CNMD: variants seen among roughly 807,000 people sequenced by gnomAD.
CNMD encodes leukocyte cell-derived chemotaxin 1.
CNMD carries 30 observed loss-of-function variants against 37.5 expected under a neutral mutation model. That is an observed-to-expected ratio of 0.80 (90% CI 0.60 to 1.09). CNMD has a LOEUF of 1.09. Ranked by LOEUF, CNMD falls within the 50% of genes least tolerant of loss-of-function variation. The pLI, the probability that CNMD is intolerant of heterozygous loss-of-function variation, is 0.00. For missense variants in CNMD, 398 were observed against 423.9 expected, an observed-to-expected ratio of 0.94 and a Z score of 0.54; for synonymous variants, 167 against 148.2, an observed-to-expected ratio of 1.13 and a Z score of -0.92.
Position 52,703,779 on chromosome 13 carries a change from G to C in CNMD, c.821C>G (p.Pro274Arg), listed in dbSNP as rs757029493. The C allele has an allele frequency of 5.6e-6, 9 of 1,613,388 alleles. No individual in the cohort carries two copies. Among genetic ancestry groups the C allele is most frequent in the Non-Finnish European group, 7.6e-6 (9 of 1,179,376 alleles). The change falls in exon 7 of 7, where the codon CCT (proline) becomes CGT (arginine). Residue 274 changes from proline (P) to arginine (R), a missense_variant. Physicochemically the swap from Pro to Arg is moderately radical, Grantham distance 103 (BLOSUM62 -2). Coordinates refer to ENST00000377962, the MANE Select transcript of CNMD (RefSeq NM_007015.3). ...QQEGESMTFD[P>R]RLDHEGICCI... ...ACAGATTCCTTCGTGATCCAGTCTAGGGTCGAATGTCATGCTTTCCCCTTC... is the reference window on the plus strand; with the variant it reads ...ACAGATTCCTTCGTGATCCAGTCTACGGTCGAATGTCATGCTTTCCCCTTC...
chr13:52,713,957 T>G (rs1264814560), intron 4 of CNMD, among the ~76,000 whole-genome samples: 1 of 152,164 alleles, frequency 6.6e-6, no homozygotes, highest in Non-Finnish European at 1.5e-5. Context: ...AACATAGTCC[T>G]TCTTTTATTG....
chr13:52,723,227 G>A (rs182577676), intron 4 of CNMD, among the ~76,000 whole-genome samples: 10 of 152,280 alleles, frequency 6.6e-5, no homozygotes, highest in Admixed American at 3.3e-4. Flanking sequence ...GAGTAGCTGG[G>A]ACTATAGGTA....
At chr13:52,725,430 G>GCT (rs139268730) in intron 3 of CNMD, among the ~76,000 whole-genome samples, 5,795 of 148,638 alleles carry the variant, frequency 0.039, 134 homozygotes, top group South Asian at 0.066. Context: ...GGACTTAGAT[G>GCT]TTTTTTTTTT....
intron 5 of CNMD, among the ~76,000 whole-genome samples, chr13:52,712,336 C>A (rs191712771): frequency 6.6e-6 from 1 of 152,030 alleles, no homozygotes; most frequent in Non-Finnish European, 1.5e-5. Context: ...AAAGACTCGG[C>A]GGTATGACAG....
intron 5 of CNMD, among the ~76,000 whole-genome samples, chr13:52,710,448 A>T (rs932882682): frequency 9.9e-5 from 15 of 152,192 alleles, no homozygotes; most frequent in Admixed American, 7.2e-4. Flanking sequence ...AGCAGGTGTC[A>T]GCTCTCCCCG....
chr13:52,721,391 C>A (rs1054833588), intron 4 of CNMD, among the ~76,000 whole-genome samples: 1 of 151,992 alleles, frequency 6.6e-6, no homozygotes, highest in African/African-American at 2.4e-5. Context: ...CCCAAATGGC[C>A]ACCCAGTTGA....
chr13:52,710,402 G>A (rs1283860261), intron 5 of CNMD, among the ~76,000 whole-genome samples: 2 of 152,202 alleles, frequency 1.3e-5, no homozygotes, highest in South Asian at 2.1e-4. Context: ...AGGACAAAGC[G>A]TAATTCTCTA....
At position 52,709,912 on chromosome 13, in the gene CNMD, G is replaced by A. The variant is rs570889214; in HGVS notation, c.623-1210C>T. Among the ~76,000 whole-genome samples, 5 of 152,336 alleles carry A rather than the reference G, an allele frequency of 3.3e-5. No homozygotes were observed. In the East Asian group the frequency reaches 9.6e-4, roughly 29 times the overall value. ...CGCTTGAACCTGGGAGGCAGAGGCT[G>A]CAGTGAGCCGAGATTGCATCATTGC... On this transcript the variant is annotated intron_variant, in intron 5 of 6. Coordinates refer to ENST00000377962, the MANE Select transcript of CNMD (RefSeq NM_007015.3).
intron 4 of CNMD, 43 bp downstream of exon 4, chr13:52,723,954 G>A (rs1488527034): frequency 8.2e-7 from 1 of 1,226,406 alleles, no homozygotes; most frequent in South Asian, 1.2e-5. Flanking sequence ...TTCAAACAAT[G>A]TTTGCCAAGC....
intron 2 of CNMD, among the ~76,000 whole-genome samples, chr13:52,736,143 G>A (rs1352470787): frequency 3.0e-4 from 46 of 152,092 alleles, no homozygotes; most frequent in Admixed American, 2.7e-3. Context: ...GCAGGTGCCC[G>A]CCACCAGGCC....
intron 3 of CNMD, among the ~76,000 whole-genome samples, chr13:52,726,360 A>G (rs1964572005): frequency 6.6e-6 from 1 of 152,186 alleles, no homozygotes; most frequent in African/African-American, 2.4e-5. Flanking sequence ...TAACCTTTGG[A>G]CCCAAGTTTC....
rs57248653 is a variant in CNMD, at chr13:52,716,961, T to C, written c.469-4092A>G. 2.2e-3 allele frequency among the ~76,000 whole-genome samples: 342 copies of C among 152,334 alleles called. 3 individuals carry two copies. The highest frequency in any genetic ancestry group is 7.9e-3 in the African/African-American group (329 of 41,578). ...GGCAATATGGCCATTTTCACGACATTGATTCTTCACATCCATGAGCATGGA... is the reference window on the plus strand; with the variant it reads ...GGCAATATGGCCATTTTCACGACATCGATTCTTCACATCCATGAGCATGGA... On this transcript the variant is annotated intron_variant, in intron 4 of 6. Transcript: ENST00000377962.
chr13:52,728,997 C>T (rs1964620650), intron 3 of CNMD, among the ~76,000 whole-genome samples: 1 of 152,178 alleles, frequency 6.6e-6, no homozygotes, highest in South Asian at 2.1e-4. Flanking sequence ...AACAAACAGG[C>T]TTTAGAAGCT....
intron 2 of CNMD, among the ~76,000 whole-genome samples, chr13:52,733,828 C>T (rs1471026343): frequency 2.0e-5 from 3 of 152,334 alleles, no homozygotes; most frequent in Non-Finnish European, 2.9e-5. Flanking sequence ...CAGCTGAACA[C>T]GTCTGCAGTG....
chr13:52,731,420 A>G (rs1440471733), intron 3 of CNMD, among the ~76,000 whole-genome samples: 1 of 152,152 alleles, frequency 6.6e-6, no homozygotes, highest in Admixed American at 6.6e-5. Context: ...TAGGTACCAT[A>G]GTGGCTGATT....
At chr13:52,720,289 G>A (rs1385547309) in intron 4 of CNMD, among the ~76,000 whole-genome samples, 1 of 152,038 alleles carries the variant, frequency 6.6e-6, no homozygotes, top group East Asian at 1.9e-4. Context: ...TGCTCCTTTA[G>A]CTCAGAGGAG....
At position 52,739,089 on chromosome 13, in the gene CNMD, A is replaced by G; in HGVS notation, c.155T>C (p.Val52Ala). 6.3e-7 allele frequency: 1 copy of G among 1,578,804 alleles called. No individual in the cohort carries two copies. Among genetic ancestry groups the G allele is most frequent in the Non-Finnish European group, 8.6e-7 (1 of 1,166,446 alleles). Residue 52 changes from valine to alanine, a missense_variant, in exon 2 of 7, where the codon GTG (valine) becomes GCG (alanine). Physicochemically the swap from Val to Ala is moderately conservative, Grantham distance 64. Transcript: ENST00000377962. The surrounding 1 kb of genome is among the most constrained non-coding windows in gnomAD (Gnocchi z 5.4). The stretch of plus-strand genomic sequence containing the variant: ...CCCGATGGCCCCAAAGAGCAGCAGC[A>G]CAGCTCCCGAAATGAGGACCACGGC... ...VGAVVLISGA[V>A]LLLFGAIGAF... is the part of the protein sequence containing the mutation.
intron 4 of CNMD, 44 bp downstream of exon 4, chr13:52,723,953 T>A (rs370835202): frequency 6.6e-5 from 80 of 1,208,284 alleles, no homozygotes; most frequent in Non-Finnish European, 9.4e-5. Flanking sequence ...CTTCAAACAA[T>A]GTTTGCCAAG....
Position 52,712,847 on chromosome 13 carries a change from T to A in CNMD, c.491A>T (p.Lys164Ile), listed in dbSNP as rs757378127. The A allele has an allele frequency of 1.3e-6, 2 of 1,577,530 alleles. No individual in the cohort carries two copies. The highest frequency in any genetic ancestry group is 1.7e-6 in the Non-Finnish European group (2 of 1,165,026). The stretch of plus-strand genomic sequence containing the variant: ...CCAGATAAGAGAATTTTCTTCATAT[T>A]TGACTGGCATGATCTTGCCTTCCTG... ...SKLEGKIMPV[K>I]YEENSLIWVA... is the part of the protein sequence containing the mutation. The change falls in exon 5 of 7, where the codon AAA (lysine) becomes ATA (isoleucine). Residue 164 changes from lysine to isoleucine, a missense_variant. Transcript: ENST00000377962.
Sources: allele counts gnomAD v4.1 joint callset (sites outside exome capture counted in the v4.1 genomes callset), GRCh38; gene constraint gnomAD v4.1.1; non-coding constraint Gnocchi (gnomAD v3.1); transcripts MANE v1.5; gene names NCBI Gene and HGNC (gene_info 2026-07-23, HGNC 2026-07-21).